The following SHC4 variants were observed in gnomAD, a reference collection of about 807,000 sequenced individuals.
The protein encoded by SHC4 is SHC-transforming protein 4.
A neutral mutation model predicts 69.4 loss-of-function variants in SHC4; 41 were observed. The ratio of observed to expected loss-of-function variants is 0.59; its 90% CI spans 0.46 to 0.77. The LOEUF (loss-of-function observed/expected upper bound fraction) is 0.77, where lower values mean the gene tolerates loss of function less well. SHC4 is among the 30% of genes least tolerant of loss of function. The probability of loss-of-function intolerance (pLI) is 0.00; values close to 1 mark genes in which losing one functional copy is unlikely to be tolerated. For synonymous variants in SHC4, 318 were observed against 299.3 expected (o/e 1.06, Z -0.64); for missense variants, 777 against 783.8 (o/e 0.99, Z 0.10).
chr15:48,853,736 G>A (rs1899259582), intron 8 of SHC4, among the ~76,000 whole-genome samples: 1 of 151,970 alleles, frequency 6.6e-6, no homozygotes, highest in African/African-American at 2.4e-5. Flanking sequence ...TAAGCAATAG[G>A]GAAAATACTC....
At chr15:48,959,152 A>G (rs1901498418) in intron 1 of SHC4, among the ~76,000 whole-genome samples, 1 of 152,250 alleles carries the variant, frequency 6.6e-6, no homozygotes, top group African/African-American at 2.4e-5. Flanking sequence ...GAAAATATGC[A>G]AGAAAACAAA....
intron 6 of SHC4, among the ~76,000 whole-genome samples, chr15:48,866,782 TAATA>T (rs1183124898): frequency 1.3e-5 from 2 of 152,208 alleles, no homozygotes; most frequent in African/African-American, 4.8e-5. Context: ...CATGTCCACT[TAATA>T]AATGTTTGGG....
chr15:48,952,142 C>G (rs1259523200), intron 1 of SHC4, among the ~76,000 whole-genome samples: 2 of 152,058 alleles, frequency 1.3e-5, no homozygotes, highest in Non-Finnish European at 2.9e-5. Context: ...TTTCAAGGAG[C>G]CAGGATTGGC....
chr15:48,890,502 A>G (rs1397599360), intron 3 of SHC4, among the ~76,000 whole-genome samples: 1 of 152,150 alleles, frequency 6.6e-6, no homozygotes, highest in African/African-American at 2.4e-5. Context: ...GGCACCCTAC[A>G]TTTCTGACAT....
At chr15:48,835,172 G>C (rs531664645) in intron 10 of SHC4, 150 bp from the exon 11 acceptor site, 11 of 1,059,748 alleles carry the variant, frequency 1.0e-5, no homozygotes, top group Admixed American at 2.9e-5. Context: ...TGAGGTTTTT[G>C]TTTTCAGAAC....
chr15:48,899,227 G>T (rs1322140370), intron 2 of SHC4, among the ~76,000 whole-genome samples: 1 of 152,104 alleles, frequency 6.6e-6, no homozygotes, highest in African/African-American at 2.4e-5. Context: ...TGTACTTTGG[G>T]AGGCCAAGGT....
chr15:48,854,220 C>T (rs1283273392), intron 8 of SHC4, among the ~76,000 whole-genome samples: 1 of 152,170 alleles, frequency 6.6e-6, no homozygotes, highest in Non-Finnish European at 1.5e-5. Flanking sequence ...TGAAAAGATG[C>T]TCAACATCAC....
intron 1 of SHC4, among the ~76,000 whole-genome samples, chr15:48,959,683 T>G (rs565948703): frequency 4.6e-5 from 7 of 152,268 alleles, no homozygotes; most frequent in African/African-American, 1.7e-4. Context: ...AAATTTTTTA[T>G]GTGCTTTTTC....
intron 4 of SHC4, among the ~76,000 whole-genome samples, chr15:48,874,565 T>C (rs968042527): frequency 2.4e-4 from 36 of 152,302 alleles, no homozygotes; most frequent in Middle Eastern, 3.4e-3. Flanking sequence ...GAACTACACA[T>C]ACGAGGGATC....
chr15:48,924,759 T>A, intron 2 of SHC4, 120 bp downstream of exon 2: 1 of 1,010,898 alleles, frequency 9.9e-7, no homozygotes, highest in South Asian at 1.4e-5. Flanking sequence ...CCTTCTACAC[T>A]CCAGTCGCGT....
chr15:48,868,915 G>C (rs1899613102), intron 5 of SHC4, among the ~76,000 whole-genome samples: 1 of 152,184 alleles, frequency 6.6e-6, no homozygotes, highest in Non-Finnish European at 1.5e-5. Flanking sequence ...TATGAATTTA[G>C]AAGGAAAGCC....
At chr15:48,895,329 A>G (rs1364272480) in intron 2 of SHC4, among the ~76,000 whole-genome samples, 1 of 152,166 alleles carries the variant, frequency 6.6e-6, no homozygotes, top group East Asian at 1.9e-4. Flanking sequence ...ACCCACAAGC[A>G]CCGGGGAGGA....
chr15:48,900,377 G>C (rs959470623), intron 2 of SHC4, among the ~76,000 whole-genome samples: 19 of 151,900 alleles, frequency 1.3e-4, no homozygotes, highest in African/African-American at 4.6e-4. Flanking sequence ...AGTGGTGGTG[G>C]GCACCTGTAG....
intron 1 of SHC4, among the ~76,000 whole-genome samples, chr15:48,958,457 G>A (rs190363121): frequency 4.3e-4 from 66 of 152,280 alleles, no homozygotes; most frequent in African/African-American, 1.5e-3. Context: ...TGGAGAACAC[G>A]GCCTTCCTCA....
At chr15:48,862,620 C>T (rs879531101) in intron 6 of SHC4, among the ~76,000 whole-genome samples, 3 of 152,170 alleles carry the variant, frequency 2.0e-5, no homozygotes, top group Non-Finnish European at 4.4e-5. Context: ...TTCCTGTCAA[C>T]CATACTGTCC....
Position 48,900,506 on chromosome 15 carries a change from C to CA in SHC4, c.657-9696dup, listed in dbSNP as rs112780141. On this transcript the variant is annotated intron_variant, in intron 2 of 11. Coordinates refer to ENST00000332408, the MANE Select transcript of SHC4 (RefSeq NM_203349.4). ...TGGGCTACAGAGTGAGATTCCAACT[C>CA]AAAAAAAAAAAAAGAAAAAAAGAAG... is the stretch of plus-strand genomic sequence containing the variant. 9.0e-3 allele frequency among the ~76,000 whole-genome samples: 995 copies of CA among 110,980 alleles called. 7 individuals carry two copies. Among genetic ancestry groups the CA allele is most frequent in the East Asian group, 0.043 (171 of 4,010 alleles). The allele number at this position is 110,980 out of a possible 152,430, so 72.8% of individuals were successfully genotyped here.
chr15:48,869,843 T>G (rs1205208990), intron 5 of SHC4, among the ~76,000 whole-genome samples: 1 of 152,196 alleles, frequency 6.6e-6, no homozygotes. Context: ...TCAACAGGCT[T>G]TCTCACCAGC....
chr15:48,953,794 G>T (rs1901402025), intron 1 of SHC4, among the ~76,000 whole-genome samples: 1 of 152,186 alleles, frequency 6.6e-6, no homozygotes, highest in Non-Finnish European at 1.5e-5. Context: ...CTGTCCTAAT[G>T]TGGACATCCT....
intron 11 of SHC4, among the ~76,000 whole-genome samples, chr15:48,830,545 T>C (rs1018796159): frequency 6.6e-6 from 1 of 152,068 alleles, no homozygotes; most frequent in African/African-American, 2.4e-5. Flanking sequence ...TTGTTGGAAC[T>C]GAAACAGGAA....
Sources: allele counts gnomAD v4.1 joint callset (sites outside exome capture counted in the v4.1 genomes callset), GRCh38; gene constraint gnomAD v4.1.1; transcripts MANE v1.5; gene names NCBI Gene and HGNC (gene_info 2026-07-23, HGNC 2026-07-21).